Variants in STPG4 observed in about 807,000 individuals in gnomAD.
STPG4 encodes sperm-tail PG-rich repeat containing 4.
A neutral mutation model predicts 31.5 loss-of-function variants in STPG4; 41 were observed. The ratio of observed to expected loss-of-function variants is 1.30; its 90% confidence interval spans 1.01 to 1.69. STPG4 has a LOEUF of 1.69. Ranked by LOEUF, STPG4 falls within the 40% of genes most tolerant of loss-of-function variation. The pLI is 0.00. For synonymous variants in STPG4, 141 were observed against 103.0 expected, an observed-to-expected ratio of 1.37 and a Z score of -2.24; for missense variants, 375 against 293.4, an observed-to-expected ratio of 1.28 and a Z score of -2.03.
chr2:47,147,338 GC>G (rs1361417089), intron 3 of STPG4, among the ~76,000 whole-genome samples: 2 of 152,166 alleles, frequency 1.3e-5, no homozygotes, highest in Non-Finnish European at 2.9e-5. Flanking sequence ...GCAGTTAGGG[GC>G]AAGGGAATTG....
chr2:47,090,245 G>A (rs1031535505), intron 6 of STPG4, 25 bp downstream of exon 6: 15 of 1,490,600 alleles, frequency 1.0e-5, no homozygotes, highest in Non-Finnish European at 1.1e-5. Context: ...GGGGTGGGGG[G>A]CGATCTGTCT....
intron 5 of STPG4, among the ~76,000 whole-genome samples, chr2:47,104,198 C>G (rs924762078): frequency 1.3e-5 from 2 of 151,956 alleles, no homozygotes; most frequent in Non-Finnish European, 2.9e-5. Flanking sequence ...GCAAAAAATG[C>G]CCACCCAGTC....
intron 3 of STPG4, among the ~76,000 whole-genome samples, chr2:47,150,556 C>T (rs1460513543): frequency 6.6e-6 from 1 of 151,794 alleles, no homozygotes; most frequent in Non-Finnish European, 1.5e-5. Flanking sequence ...CACTCTGTCA[C>T]CCAGGCTGGG....
chr2:47,154,786 G>A (rs1686996806), intron 1 of STPG4, among the ~76,000 whole-genome samples: 1 of 152,186 alleles, frequency 6.6e-6, no homozygotes, highest in Admixed American at 6.5e-5. Context: ...GTAGGAGGCG[G>A]AGCAAAACGT....
intron 3 of STPG4, among the ~76,000 whole-genome samples, chr2:47,141,711 G>T (rs975359074): frequency 1.3e-5 from 2 of 151,872 alleles, no homozygotes; most frequent in African/African-American, 4.8e-5. Flanking sequence ...AGAGTGACTG[G>T]CACCCTTCCT....
At chr2:47,135,069 A>G (rs1240208901) in intron 3 of STPG4, among the ~76,000 whole-genome samples, 1 of 152,080 alleles carries the variant, frequency 6.6e-6, no homozygotes, top group Non-Finnish European at 1.5e-5. Flanking sequence ...GGGTTTTCAG[A>G]GTTCTTTGTA....
chr2:47,112,965 C>A (rs6730296), intron 5 of STPG4, among the ~76,000 whole-genome samples: 3,515 of 137,258 alleles, frequency 0.026, 163 homozygotes, highest in African/African-American at 0.093. Context: ...GCGCTCCAGC[C>A]TGGGCGACAG....
At chr2:47,092,062 A>C in intron 5 of STPG4, among the ~76,000 whole-genome samples, 1 of 147,418 alleles carries the variant, frequency 6.8e-6, no homozygotes, top group Non-Finnish European at 1.5e-5. Flanking sequence ...AAATTATCTC[A>C]GAATGTTCAT....
intron 5 of STPG4, among the ~76,000 whole-genome samples, chr2:47,095,917 T>C (rs573228218): frequency 3.9e-5 from 6 of 152,142 alleles, no homozygotes; most frequent in Non-Finnish European, 7.4e-5. Context: ...TCCTGCCCAC[T>C]GGGCCCCTGT....
rs187307260 is a variant in STPG4, at chr2:47,102,410, C to T, written c.520-12036G>A. Reference sequence around the variant, plus strand: ...AGGCAGCTCATTATTTTCTGCACTACGGCTTGGCCCCAGTATTCTCTCTCT... The same window carrying T: ...AGGCAGCTCATTATTTTCTGCACTATGGCTTGGCCCCAGTATTCTCTCTCT... On this transcript the variant is annotated intron_variant, in intron 5 of 6. Coordinates refer to ENST00000445927, the MANE Select transcript of STPG4 (RefSeq NM_001163561.2). 4.1e-3 allele frequency among the ~76,000 whole-genome samples: 619 copies of T among 151,940 alleles called. 15 individuals carry two copies. Among genetic ancestry groups the T allele is most frequent in the African/African-American group, 0.013 (541 of 41,314 alleles).
At chr2:47,095,349 A>C (rs967966817) in intron 5 of STPG4, among the ~76,000 whole-genome samples, 1 of 152,194 alleles carries the variant, frequency 6.6e-6, no homozygotes, top group African/African-American at 2.4e-5. Flanking sequence ...CAGGGAAAAC[A>C]CCATGTGAAA....
intron 3 of STPG4, among the ~76,000 whole-genome samples, chr2:47,150,630 C>A (rs1686915525): frequency 6.7e-6 from 1 of 149,780 alleles, no homozygotes; most frequent in South Asian, 2.1e-4. Flanking sequence ...ATCCTCCTGC[C>A]CTGGCTTCCC....
intron 5 of STPG4, among the ~76,000 whole-genome samples, chr2:47,093,879 G>T (rs1573145603): frequency 6.6e-6 from 1 of 152,364 alleles, no homozygotes; most frequent in Non-Finnish European, 1.5e-5. Flanking sequence ...ACTATTCTGA[G>T]ACTGCTCATG....
intron 5 of STPG4, among the ~76,000 whole-genome samples, chr2:47,118,211 G>T (rs760032936): frequency 6.6e-6 from 1 of 152,144 alleles, no homozygotes; most frequent in African/African-American, 2.4e-5. Context: ...CCCATCACTC[G>T]CATTGCTGCC....
chr2:47,130,329 C>T lies in STPG4; in HGVS notation c.400-69G>A, dbSNP rs1313287558. 9 of 1,220,992 alleles carry T rather than the reference C, an allele frequency of 7.4e-6. No individual in the cohort carries two copies. The African/African-American group carries it at 7.5e-5, about 10-fold the overall frequency. The allele number at this position is 1,220,992 out of a possible 1,614,324, so 75.6% of individuals were successfully genotyped here. A position where few individuals can be genotyped will look rare whatever the true frequency, so the allele number is the denominator to read the frequency against. On this transcript the variant is annotated intron_variant, in intron 3 of 6. Coordinates refer to ENST00000445927, the MANE Select transcript of STPG4 (RefSeq NM_001163561.2). ...TAAACTCACTTCGTTATCTGTCATTCGTAATCTTTTATTTTATGACCATAC... is the reference window on the plus strand; with the variant it reads ...TAAACTCACTTCGTTATCTGTCATTTGTAATCTTTTATTTTATGACCATAC...
chr2:47,102,119 C>T (rs917781045), intron 5 of STPG4, among the ~76,000 whole-genome samples: 1 of 151,642 alleles, frequency 6.6e-6, no homozygotes, highest in African/African-American at 2.4e-5. Flanking sequence ...CGTCGGTGAG[C>T]CCAACTATTC....
intron 5 of STPG4, among the ~76,000 whole-genome samples, chr2:47,120,188 G>A (rs1415453405): frequency 6.6e-6 from 1 of 152,116 alleles, no homozygotes; most frequent in East Asian, 1.9e-4. Flanking sequence ...AAAATTAGCT[G>A]GGCGTGGTGG....
At chr2:47,141,804 T>C (rs1368843948) in intron 3 of STPG4, among the ~76,000 whole-genome samples, 1 of 151,610 alleles carries the variant, frequency 6.6e-6, no homozygotes, top group Non-Finnish European at 1.5e-5. Context: ...ATCACTGCTG[T>C]TGTTTGTTGT....
intron 3 of STPG4, among the ~76,000 whole-genome samples, chr2:47,136,263 A>C (rs1686592835): frequency 6.6e-6 from 1 of 151,968 alleles, no homozygotes; most frequent in Admixed American, 6.6e-5. Flanking sequence ...GTCCTGCCTC[A>C]GCTTCCCGAG....
Sources: allele counts gnomAD v4.1 joint callset (sites outside exome capture counted in the v4.1 genomes callset), GRCh38; gene constraint gnomAD v4.1.1; transcripts MANE v1.5; gene names NCBI Gene and HGNC (gene_info 2026-07-23, HGNC 2026-07-21).